Variants in TMEM132D observed in about 807,000 individuals in gnomAD.
TMEM132D encodes transmembrane protein 132D, also known as mature OL transmembrane protein.
A neutral mutation model predicts 62.3 loss-of-function variants in TMEM132D; 21 were observed. The ratio of observed to expected loss-of-function variants is 0.34; its 90% CI spans 0.24 to 0.49. The LOEUF (loss-of-function observed/expected upper bound fraction) is 0.49. TMEM132D is among the 20% of genes least tolerant of loss of function. The pLI, the probability that TMEM132D is intolerant of heterozygous loss-of-function variation, is 0.99. For synonymous variants in TMEM132D, 621 were observed against 575.6 expected (o/e 1.08, Z -1.13); for missense variants, 1,346 against 1,402.8 (o/e 0.96, Z 0.65).
At position 129,903,089 on chromosome 12, in the gene TMEM132D, T is replaced by A. The variant is rs1166509740; in HGVS notation, c.79+172A>T. On this transcript the variant is annotated intron_variant, in intron 1 of 8. Coordinates refer to ENST00000422113, the MANE Select transcript of TMEM132D (RefSeq NM_133448.3). This position sits in a 1 kb window ranked among gnomAD's most constrained non-coding sequence, Gnocchi z 6.2. ...TCGGCCAAGGGGCGTCCGAGGAGCT[T>A]GGCTGCCGCACGAGCGCACGTTCAC... 1.1e-4 allele frequency among the ~76,000 whole-genome samples: 17 copies of A among 152,198 alleles called. No homozygotes were observed. Among genetic ancestry groups the A allele is most frequent in the Admixed American group, 1.1e-3 (17 of 15,282 alleles).
intron 4 of TMEM132D, among the ~76,000 whole-genome samples, chr12:129,317,160 A>T (rs879815110): frequency 1.3e-5 from 2 of 152,212 alleles, no homozygotes; most frequent in Non-Finnish European, 2.9e-5. Flanking sequence ...CCTCGCATTC[A>T]TCATGCTCTT....
intron 1 of TMEM132D, among the ~76,000 whole-genome samples, chr12:129,861,086 C>T (rs528719234): frequency 3.9e-5 from 6 of 152,252 alleles, no homozygotes; most frequent in South Asian, 2.1e-4. Flanking sequence ...CCTTTTGAAA[C>T]GCTTTCTGAA....
At chr12:129,099,867 C>T (rs1204482521) in intron 5 of TMEM132D, among the ~76,000 whole-genome samples, 1 of 138,260 alleles carries the variant, frequency 7.2e-6, no homozygotes, top group Admixed American at 6.8e-5. Flanking sequence ...GCTCTGTCGC[C>T]CAGGCTGGAG....
chr12:129,613,434 T>TC (rs1253078430), intron 2 of TMEM132D, among the ~76,000 whole-genome samples: 2 of 152,132 alleles, frequency 1.3e-5, no homozygotes, highest in Non-Finnish European at 2.9e-5. Context: ...CAGGGCGTCT[T>TC]CCCCATTTGC....
chr12:129,118,874 C>T (rs1055656474), intron 5 of TMEM132D, among the ~76,000 whole-genome samples: 12 of 152,148 alleles, frequency 7.9e-5, no homozygotes, highest in Admixed American at 6.5e-4. Context: ...GAAAGCACAG[C>T]GTATCTATTT....
At chr12:129,304,954 G>A (rs1009404036) in intron 4 of TMEM132D, among the ~76,000 whole-genome samples, 3 of 152,140 alleles carry the variant, frequency 2.0e-5, no homozygotes, top group Non-Finnish European at 2.9e-5. Flanking sequence ...ATGAGCCACT[G>A]CGCCTGGCCA....
chr12:129,353,702 G>A (rs1869946871), intron 3 of TMEM132D, among the ~76,000 whole-genome samples: 2 of 152,168 alleles, frequency 1.3e-5, no homozygotes, highest in South Asian at 4.1e-4. Flanking sequence ...GTTTAGTTTT[G>A]CCCACTGGTG....
intron 5 of TMEM132D, among the ~76,000 whole-genome samples, chr12:129,183,439 TAGG>T (rs1366645308): frequency 6.6e-6 from 1 of 152,206 alleles, no homozygotes; most frequent in Non-Finnish European, 1.5e-5. Flanking sequence ...GTCTTGTGGG[TAGG>T]AGCTCAACTC....
intron 4 of TMEM132D, among the ~76,000 whole-genome samples, chr12:129,297,764 T>C (rs1311771820): frequency 6.6e-6 from 1 of 152,158 alleles, no homozygotes; most frequent in East Asian, 1.9e-4. Flanking sequence ...ATCGCCCTGG[T>C]GCTTTAACAA....
chr12:129,133,116 C>A (rs576195482), intron 5 of TMEM132D, among the ~76,000 whole-genome samples: 2 of 152,294 alleles, frequency 1.3e-5, no homozygotes, highest in Non-Finnish European at 2.9e-5. Context: ...CCTCCCTAAT[C>A]CTTCTTGCTT....
intron 4 of TMEM132D, among the ~76,000 whole-genome samples, chr12:129,244,080 A>G (rs1012610308): frequency 6.6e-6 from 1 of 152,168 alleles, no homozygotes; most frequent in African/African-American, 2.4e-5. Context: ...AAATGAGCCC[A>G]TGAACAATGA....
intron 3 of TMEM132D, among the ~76,000 whole-genome samples, chr12:129,368,458 T>A (rs537420162): frequency 6.6e-6 from 1 of 152,328 alleles, no homozygotes; most frequent in Non-Finnish European, 1.5e-5. Flanking sequence ...TAAATACCTA[T>A]TTGCATATTG....
chr12:129,363,203 A>C (rs1393102094), intron 3 of TMEM132D, among the ~76,000 whole-genome samples: 1 of 152,184 alleles, frequency 6.6e-6, no homozygotes, highest in Non-Finnish European at 1.5e-5. Flanking sequence ...AAGCGACATC[A>C]CAGCTCACAT....
intron 2 of TMEM132D, among the ~76,000 whole-genome samples, chr12:129,557,415 A>G (rs1877094489): frequency 6.6e-6 from 1 of 152,198 alleles, no homozygotes; most frequent in Admixed American, 6.5e-5. Flanking sequence ...ACTTTCAGTT[A>G]TAAGATGAAC....
chr12:129,684,160 T>G (rs935526264), intron 2 of TMEM132D, among the ~76,000 whole-genome samples: 7 of 152,100 alleles, frequency 4.6e-5, no homozygotes, highest in Non-Finnish European at 1.0e-4. Context: ...AAGGCAGATA[T>G]GGTTTGTCTG....
intron 3 of TMEM132D, among the ~76,000 whole-genome samples, chr12:129,500,607 C>T (rs1412168663): frequency 1.3e-5 from 2 of 152,160 alleles, no homozygotes; most frequent in Admixed American, 6.5e-5. Context: ...CCTCGTTCAA[C>T]TTTTGATAAA....
In TMEM132D at chr12:129,149,443, C is replaced by G. The variant is rs554022718; in HGVS notation, c.1443+60077G>C. On this transcript the variant is annotated intron_variant, in intron 5 of 8. Coordinates refer to ENST00000422113, the MANE Select transcript of TMEM132D (RefSeq NM_133448.3). Reference sequence around the variant, plus strand: ...AGCTCAAGGCTTTCTGTCCCTGAAACAAAAGCAGGAACATGCATACCCCAC... The same window carrying G: ...AGCTCAAGGCTTTCTGTCCCTGAAAGAAAAGCAGGAACATGCATACCCCAC... Among the ~76,000 whole-genome samples, 16 of 152,264 alleles carry G rather than the reference C, an allele frequency of 1.1e-4. No individual in the cohort carries two copies. In the South Asian group the frequency reaches 2.9e-3, roughly 28 times the overall value.
At chr12:129,101,999 TCTC>T (rs776799979) in intron 5 of TMEM132D, among the ~76,000 whole-genome samples, 6 of 128,272 alleles carry the variant, frequency 4.7e-5, no homozygotes, top group African/African-American at 1.7e-4. Flanking sequence ...TTTTTTTTTT[TCTC>T]TCTCTCTCTC....
chr12:129,236,938 T>C (rs554076160), intron 4 of TMEM132D, among the ~76,000 whole-genome samples: 21 of 152,334 alleles, frequency 1.4e-4, no homozygotes, highest in Admixed American at 3.9e-4. Context: ...ATCACAAAAA[T>C]GTATTGAATT....
Sources: allele counts gnomAD v4.1 joint callset (sites outside exome capture counted in the v4.1 genomes callset), GRCh38; gene constraint gnomAD v4.1.1; non-coding constraint Gnocchi (gnomAD v3.1); transcripts MANE v1.5; gene names NCBI Gene and HGNC (gene_info 2026-07-23, HGNC 2026-07-21).